ZC3H12B: variants seen among roughly 807,000 people sequenced by gnomAD.
ZC3H12B encodes the protein zinc finger CCCH-type containing 12B, also known as probable ribonuclease ZC3H12B.
ZC3H12B carries 7 observed loss-of-function variants against 43.9 expected under a neutral mutation model. That is an observed-to-expected ratio of 0.16 (90% CI 0.09 to 0.30). The LOEUF (loss-of-function observed/expected upper bound fraction) is 0.30, where lower values mean the gene tolerates loss of function less well. Ranked by LOEUF, ZC3H12B falls within the 10% of genes least tolerant of loss-of-function variation. The pLI is 1.00. For missense variants in ZC3H12B, 475 were observed against 670.2 expected (o/e 0.71, Z 3.22); for synonymous variants, 222 against 241.7 (o/e 0.92, Z 0.76).
At chrX:65,055,519 TTCA>T in the ZC3H12B span, among the ~76,000 whole-genome samples, 54 of 112,028 alleles carry the variant, frequency 4.8e-4, 2 homozygotes, top group Non-Finnish European at 5.3e-4. Context: ...TGCATGGATG[TTCA>T]TCAAGAATAT....
At chrX:65,145,882 G>A in the ZC3H12B span, among the ~76,000 whole-genome samples, 3 of 110,917 alleles carry the variant, frequency 2.7e-5, no homozygotes, top group Non-Finnish European at 5.7e-5. Flanking sequence ...TCCTTTATAG[G>A]TTACCTCGTG....
the ZC3H12B span, among the ~76,000 whole-genome samples, chrX:65,333,503 T>C: frequency 8.9e-6 from 1 of 112,022 alleles, no homozygotes; most frequent in Non-Finnish European, 1.9e-5. Context: ...AAAGTTTTCT[T>C]GACTGAAAAA....
chrX:65,213,449 C>T, the ZC3H12B span, among the ~76,000 whole-genome samples: 1 of 110,953 alleles, frequency 9.0e-6, no homozygotes, highest in South Asian at 3.7e-4. Context: ...TATGTCTTAT[C>T]TAAAATGCTT....
At chrX:65,478,565 G>T (rs2068025521) in intron 3 of ZC3H12B, among the ~76,000 whole-genome samples, 1 of 112,085 alleles carries the variant, frequency 8.9e-6, no homozygotes, top group Non-Finnish European at 1.9e-5. Context: ...GTTGTGTGTG[G>T]CCACTGACAT....
At chrX:65,120,790 A>G in the ZC3H12B span, among the ~76,000 whole-genome samples, 11,880 of 111,156 alleles carry the variant, frequency 0.11, 1,544 homozygotes, top group African/African-American at 0.36. Context: ...TGGGTTTGTC[A>G]TAGATACCTC....
the ZC3H12B span, among the ~76,000 whole-genome samples, chrX:65,099,136 C>T: frequency 5.2e-4 from 58 of 111,780 alleles, no homozygotes; most frequent in African/African-American, 7.8e-4. Flanking sequence ...TGAGGCAAAG[C>T]GACTGTGGCC....
intron 3 of ZC3H12B, among the ~76,000 whole-genome samples, chrX:65,442,290 A>G (rs1455808328): frequency 9.1e-6 from 1 of 110,384 alleles, no homozygotes; most frequent in East Asian, 2.8e-4. Context: ...TAATAACTGC[A>G]ACACTATATT....
At chrX:65,467,990 G>C (rs887527899) in intron 3 of ZC3H12B, among the ~76,000 whole-genome samples, 1 of 111,982 alleles carries the variant, frequency 8.9e-6, no homozygotes, top group African/African-American at 3.2e-5. Context: ...TGTTGTAGTT[G>C]CATTTGTTTT....
the ZC3H12B span, among the ~76,000 whole-genome samples, chrX:65,233,572 A>T: frequency 9.1e-6 from 1 of 110,348 alleles, no homozygotes; most frequent in Non-Finnish European, 1.9e-5. Flanking sequence ...AACAAAACAT[A>T]CCAAAACTTA....
chrX:65,272,580 A>G, the ZC3H12B span: 1 of 111,916 alleles, frequency 8.9e-6, no homozygotes, highest in Non-Finnish European at 1.9e-5. Flanking sequence ...GTTGTTGTTC[A>G]TGATTCTAAT....
chrX:65,077,036 G>T, the ZC3H12B span, among the ~76,000 whole-genome samples: 2 of 111,677 alleles, frequency 1.8e-5, no homozygotes, highest in Admixed American at 1.9e-4. Context: ...CTTGATTCTT[G>T]AATCTATTTT....
chrX:65,288,507 A>C, the ZC3H12B span, among the ~76,000 whole-genome samples: 1 of 112,725 alleles, frequency 8.9e-6, no homozygotes, highest in Non-Finnish European at 1.9e-5. Context: ...TAACGTGTAT[A>C]AAAGAATAAA....
the ZC3H12B span, among the ~76,000 whole-genome samples, chrX:65,347,233 TAACA>T: frequency 6.3e-4 from 70 of 110,886 alleles, no homozygotes; most frequent in Non-Finnish European, 1.0e-3. Flanking sequence ...GAAGGAAAAC[TAACA>T]AACAAACAGA....
At chrX:65,267,969 G>T in the ZC3H12B span, among the ~76,000 whole-genome samples, 1 of 110,955 alleles carries the variant, frequency 9.0e-6, no homozygotes, top group Non-Finnish European at 1.9e-5. Flanking sequence ...AGGAAAAAAT[G>T]ATAATCCTGT....
chrX:65,280,866 G>GA, the ZC3H12B span, among the ~76,000 whole-genome samples: 5 of 111,516 alleles, frequency 4.5e-5, no homozygotes, highest in Admixed American at 4.8e-4. Context: ...ATAAAACTTG[G>GA]AAAAAAGAAA....
chrX:65,054,655 T>C, the ZC3H12B span, among the ~76,000 whole-genome samples: 1 of 111,970 alleles, frequency 8.9e-6, no homozygotes, highest in East Asian at 2.8e-4. Context: ...GGGGTGGCGT[T>C]GAATCTGTAA....
the ZC3H12B span, among the ~76,000 whole-genome samples, chrX:65,308,653 A>G: frequency 1.8e-5 from 2 of 111,855 alleles, no homozygotes; most frequent in Non-Finnish European, 3.8e-5. Flanking sequence ...AGACGTCTAC[A>G]CAACTCTCCA....
intron 2 of ZC3H12B, among the ~76,000 whole-genome samples, chrX:65,389,918 A>C (rs1161810934): frequency 1.8e-5 from 2 of 112,241 alleles, no homozygotes; most frequent in East Asian, 5.6e-4. Flanking sequence ...TATATACCCA[A>C]AGGATTATAA....
chrX:65,206,559 C>A, the ZC3H12B span, among the ~76,000 whole-genome samples: 1 of 111,905 alleles, frequency 8.9e-6, no homozygotes, highest in Non-Finnish European at 1.9e-5. Flanking sequence ...TATAAAGATT[C>A]TAGAAGGTAA....
Sources: gnomAD v4.1 joint callset for allele counts (sites outside exome capture counted in the v4.1 genomes callset) on GRCh38, gnomAD v4.1.1 for gene constraint, MANE v1.5 for transcripts, NCBI Gene and HGNC (gene_info 2026-07-23, HGNC 2026-07-21) for gene names.